Variants in CDH4 observed in about 807,000 individuals in gnomAD.
CDH4 encodes the protein cadherin-4.
A neutral mutation model predicts 86.0 loss-of-function variants in CDH4; 33 were observed. That is an observed-to-expected ratio of 0.38 (90% CI 0.29 to 0.51). The LOEUF (loss-of-function observed/expected upper bound fraction) is 0.51. Among genes scored for constraint, CDH4 ranks in the 20% least tolerant of loss-of-function variants. The probability of loss-of-function intolerance (pLI) is 0.86; values close to 1 mark genes in which losing one functional copy is unlikely to be tolerated. For synonymous variants in CDH4, 555 were observed against 549.4 expected, an observed-to-expected ratio of 1.01 and a Z score of -0.14; for missense variants, 1,114 against 1,307.4, an observed-to-expected ratio of 0.85 and a Z score of 2.28.
At chr20:61,909,394 C>G (rs1600762281) in intron 8 of CDH4, among the ~76,000 whole-genome samples, 1 of 152,218 alleles carries the variant, frequency 6.6e-6, no homozygotes, top group Non-Finnish European at 1.5e-5. Context: ...AGAAAAAACC[C>G]AGGTCAACTC....
At chr20:61,932,746 C>G (rs6061908) in intron 13 of CDH4, among the ~76,000 whole-genome samples, 2 of 152,258 alleles carry the variant, frequency 1.3e-5, no homozygotes, top group Non-Finnish European at 2.9e-5. Context: ...CATGAAGCAC[C>G]TACATCCACG....
intron 2 of CDH4, among the ~76,000 whole-genome samples, chr20:61,546,068 G>T (rs1298665481): frequency 1.1e-3 from 1 of 920 alleles, no homozygotes. Flanking sequence ...TGCATGTGTG[G>T]AGGGGGTTTG....
chr20:61,745,880 C>T (rs2088408202), intron 3 of CDH4, among the ~76,000 whole-genome samples: 1 of 152,222 alleles, frequency 6.6e-6, no homozygotes, highest in African/African-American at 2.4e-5. Flanking sequence ...GACACCTTTT[C>T]TTGGGCATGT....
chr20:61,592,501 T>G (rs2086525551), intron 2 of CDH4, among the ~76,000 whole-genome samples: 1 of 150,600 alleles, frequency 6.6e-6, no homozygotes, highest in Non-Finnish European at 1.5e-5. Context: ...GAAAGTACAA[T>G]TTATGATGAT....
At position 61,476,394 on chromosome 20, in the gene CDH4, T is replaced by C. The variant is rs1054698058; in HGVS notation, c.169+221457T>C. Among the ~76,000 whole-genome samples the C allele has an allele frequency of 3.0e-4, 46 of 152,236 alleles. 1 individual carries two copies. Among genetic ancestry groups the C allele is most frequent in the Non-Finnish European group, 7.3e-5 (5 of 68,040 alleles). ...GTGTGCCCGTGTGTGTGCACGTGTG[T>C]GTGTTCTGAACATGTGTGGTCTGAA... On this transcript the variant is annotated intron_variant, in intron 2 of 15. Transcript: ENST00000614565.
intron 2 of CDH4, among the ~76,000 whole-genome samples, chr20:61,515,477 G>A (rs1236292460): frequency 6.6e-6 from 1 of 152,248 alleles, no homozygotes; most frequent in Non-Finnish European, 1.5e-5. Context: ...GGTGGCTGCA[G>A]AAGGATGGTG....
At chr20:61,371,685 C>T (rs939649062) in intron 2 of CDH4, among the ~76,000 whole-genome samples, 14 of 152,206 alleles carry the variant, frequency 9.2e-5, no homozygotes, top group Admixed American at 6.5e-5. Context: ...GGCTGGGTCC[C>T]GGCATCTGGA....
At chr20:61,533,201 A>G (rs1402308258) in intron 2 of CDH4, among the ~76,000 whole-genome samples, 6 of 152,186 alleles carry the variant, frequency 3.9e-5, no homozygotes, top group Non-Finnish European at 5.9e-5. Context: ...GCCAACCTCA[A>G]GGAGATGGAG....
intron 2 of CDH4, among the ~76,000 whole-genome samples, chr20:61,474,902 G>C (rs532847701): frequency 1.3e-5 from 2 of 152,098 alleles, no homozygotes; most frequent in Non-Finnish European, 2.9e-5. Flanking sequence ...AGAAGTGCAC[G>C]CTGCAGAGTT....
chr20:61,897,191 G>A (rs575248877), intron 8 of CDH4, among the ~76,000 whole-genome samples: 13 of 152,142 alleles, frequency 8.5e-5, no homozygotes, highest in Admixed American at 5.2e-4. Context: ...GAGACGTTGG[G>A]GGGCAGAAGA....
intron 2 of CDH4, among the ~76,000 whole-genome samples, chr20:61,565,061 C>G (rs58380524): frequency 9.4e-5 from 12 of 127,726 alleles, no homozygotes; most frequent in African/African-American, 2.6e-4. Context: ...TGGTGGTGCT[C>G]TTGGTGGTGG....
intron 2 of CDH4, among the ~76,000 whole-genome samples, chr20:61,714,021 T>TATTTTA (rs1555828912): frequency 1.5e-5 from 2 of 135,894 alleles, no homozygotes; most frequent in South Asian, 5.5e-4. Flanking sequence ...GTCTATTCTT[T>TATTTTA]TTTTATTTTA....
At chr20:61,256,000 A>G (rs1405029608) in intron 2 of CDH4, among the ~76,000 whole-genome samples, 2 of 152,236 alleles carry the variant, frequency 1.3e-5, no homozygotes, top group Non-Finnish European at 2.9e-5. Flanking sequence ...TCATCAAAAA[A>G]ATAAAAAATC....
At chr20:61,674,918 C>G (rs1333653477) in intron 2 of CDH4, among the ~76,000 whole-genome samples, 2 of 152,244 alleles carry the variant, frequency 1.3e-5, no homozygotes, top group Non-Finnish European at 2.9e-5. Context: ...CATACCTATT[C>G]CTGTACGTAT....
intron 2 of CDH4, among the ~76,000 whole-genome samples, chr20:61,730,626 T>A (rs988360419): frequency 1.3e-5 from 2 of 152,218 alleles, no homozygotes; most frequent in Non-Finnish European, 2.9e-5. Context: ...GCCCAGCGCC[T>A]GCCAGCCCCA....
chr20:61,891,915 C>T (rs79816475), intron 7 of CDH4, among the ~76,000 whole-genome samples: 2,309 of 151,064 alleles, frequency 0.015, 66 homozygotes, highest in African/African-American at 0.053. Flanking sequence ...TCAGGCCTGT[C>T]CAGGTGGCAG....
chr20:61,475,420 C>T (rs1166390457), intron 2 of CDH4, among the ~76,000 whole-genome samples: 1 of 144,004 alleles, frequency 6.9e-6, no homozygotes, highest in Non-Finnish European at 1.5e-5. Flanking sequence ...CCTCCAGCCT[C>T]CTCCACCACT....
At position 61,876,423 on chromosome 20, in the gene CDH4, C is replaced by T. The variant is rs569542188; in HGVS notation, c.1050+2523C>T. On this transcript the variant is annotated intron_variant, in intron 7 of 15. Coordinates refer to ENST00000614565, the MANE Select transcript of CDH4 (RefSeq NM_001794.5). ...CTCTATATCGGCCGCGAGAGAGCAA[C>T]GTCCAATTGGAGAGGCAGCTGGTTC... 8.5e-5 allele frequency among the ~76,000 whole-genome samples: 13 copies of T among 152,332 alleles called. No individual in the cohort carries two copies. In the South Asian group the frequency reaches 2.3e-3, roughly 27 times the overall value.
At chr20:61,506,488 A>G (rs937615806) in intron 2 of CDH4, among the ~76,000 whole-genome samples, 2 of 152,238 alleles carry the variant, frequency 1.3e-5, no homozygotes, top group African/African-American at 4.8e-5. Context: ...CATCGTATCC[A>G]CATTATTATT....
Sources: allele counts gnomAD v4.1 joint callset (sites outside exome capture counted in the v4.1 genomes callset), GRCh38; gene constraint gnomAD v4.1.1; transcripts MANE v1.5; gene names NCBI Gene and HGNC (gene_info 2026-07-23, HGNC 2026-07-21).